The following HDAC9 variants were observed in gnomAD, a reference collection of about 807,000 sequenced individuals.
HDAC9 encodes histone deacetylase 9.
In HDAC9, 41 loss-of-function variants were observed where a neutral mutation model predicts 139.4. That is an observed-to-expected ratio of 0.29 (90% CI 0.23 to 0.38). HDAC9 has a LOEUF of 0.38. Among genes scored for constraint, HDAC9 ranks in the 10% least tolerant of loss-of-function variants. The pLI is 1.00. For synonymous variants in HDAC9, 517 were observed against 476.2 expected, an observed-to-expected ratio of 1.09 and a Z score of -1.12; for missense variants, 1,147 against 1,297.0, an observed-to-expected ratio of 0.88 and a Z score of 1.78.
intron 13 of HDAC9, among the ~76,000 whole-genome samples, chr7:18,746,432 A>G (rs1787982572): frequency 6.6e-6 from 1 of 152,198 alleles, no homozygotes. Context: ...TTTATTTAAA[A>G]ATATTTATCC....
At chr7:18,518,307 G>A (rs1803887301) in intron 2 of HDAC9, among the ~76,000 whole-genome samples, 1 of 152,098 alleles carries the variant, frequency 6.6e-6, no homozygotes, top group South Asian at 2.1e-4. Context: ...AGAGCCCAAG[G>A]GATCTGTGAA....
chr7:18,887,228 T>C (rs1420882439), intron 22 of HDAC9, among the ~76,000 whole-genome samples: 1 of 152,212 alleles, frequency 6.6e-6, no homozygotes, highest in Non-Finnish European at 1.5e-5. Flanking sequence ...GGAGGCCCTG[T>C]TAGGCATGCT....
At chr7:18,864,851 A>C (rs1798374462) in intron 21 of HDAC9, among the ~76,000 whole-genome samples, 1 of 152,194 alleles carries the variant, frequency 6.6e-6, no homozygotes, top group African/African-American at 2.4e-5. Context: ...CACAACAGTG[A>C]GAATATATTT....
chr7:18,654,974 G>T (rs1019463655), intron 11 of HDAC9, among the ~76,000 whole-genome samples: 6 of 152,198 alleles, frequency 3.9e-5, no homozygotes, highest in African/African-American at 9.6e-5. Context: ...TTCCTTTCTC[G>T]CATGTTGTCA....
chr7:18,276,961 G>A (rs924109081), intron 2 of HDAC9, among the ~76,000 whole-genome samples: 2 of 151,164 alleles, frequency 1.3e-5, no homozygotes, highest in East Asian at 3.9e-4. Flanking sequence ...AATTTTTCTT[G>A]CATCCTTTTA....
At chr7:18,227,142 T>C (rs551445100) in intron 2 of HDAC9, among the ~76,000 whole-genome samples, 89 of 152,314 alleles carry the variant, frequency 5.8e-4, no homozygotes, top group African/African-American at 2.1e-3. Context: ...GAATGCCTTT[T>C]ATTTGAAATA....
chr7:18,456,676 A>G (rs1313905215), intron 1 of HDAC9, among the ~76,000 whole-genome samples: 5 of 152,186 alleles, frequency 3.3e-5, no homozygotes, highest in South Asian at 2.1e-4. Flanking sequence ...TCTCTATTTC[A>G]GTTATGATTT....
chr7:18,671,951 A>G (rs1348154254), intron 12 of HDAC9, among the ~76,000 whole-genome samples: 1 of 152,036 alleles, frequency 6.6e-6, no homozygotes, highest in Non-Finnish European at 1.5e-5. Context: ...CATTTTGCTT[A>G]TTCATTCATC....
chr7:18,133,266 T>C (rs1367381810), intron 1 of HDAC9, among the ~76,000 whole-genome samples: 1 of 152,114 alleles, frequency 6.6e-6, no homozygotes, highest in East Asian at 1.9e-4. Flanking sequence ...TCACAAAAAA[T>C]AATTATAGTC....
chr7:18,224,689 A>G (rs991157630), intron 2 of HDAC9, among the ~76,000 whole-genome samples: 1 of 152,164 alleles, frequency 6.6e-6, no homozygotes, highest in African/African-American at 2.4e-5. Flanking sequence ...ACCAAGAGAA[A>G]GGAGGCCTTT....
chr7:18,762,080 T>C, intron 14 of HDAC9, 77 bp from the exon 15 acceptor site: 1 of 1,491,782 alleles, frequency 6.7e-7, no homozygotes, highest in South Asian at 1.2e-5. Flanking sequence ...ATTAATCATC[T>C]TAAATGTGAC....
intron 2 of HDAC9, among the ~76,000 whole-genome samples, chr7:18,576,495 C>G (rs112752648): frequency 0.023 from 3,484 of 151,990 alleles, 61 homozygotes; most frequent in Middle Eastern, 0.068. Context: ...AACCCCATCT[C>G]CACTAAAAAT....
At chr7:18,710,013 G>C (rs1201894858) in intron 12 of HDAC9, among the ~76,000 whole-genome samples, 2 of 152,170 alleles carry the variant, frequency 1.3e-5, no homozygotes, top group Admixed American at 1.3e-4. Flanking sequence ...AGGTTTAATG[G>C]ACTTAAAGTT....
At chr7:18,943,657 G>T (rs912208784) in intron 23 of HDAC9, among the ~76,000 whole-genome samples, 8 of 151,978 alleles carry the variant, frequency 5.3e-5, no homozygotes, top group Non-Finnish European at 1.0e-4. Flanking sequence ...TCAGTTAATA[G>T]AACAATAACT....
upstream of HDAC9, among the ~76,000 whole-genome samples, chr7:18,287,171 C>A (rs1797504805): frequency 6.6e-6 from 1 of 151,758 alleles, no homozygotes. Flanking sequence ...TACCATCTTC[C>A]AATTTTTAAA....
chr7:18,926,641 A>T (rs1404208369), intron 22 of HDAC9, among the ~76,000 whole-genome samples: 1 of 152,050 alleles, frequency 6.6e-6, no homozygotes, highest in Admixed American at 6.6e-5. Flanking sequence ...GGGATGGGTG[A>T]ATGGATGGAT....
intron 12 of HDAC9, among the ~76,000 whole-genome samples, chr7:18,711,932 C>CTT (rs10713737): frequency 2.8e-5 from 4 of 142,972 alleles, no homozygotes; most frequent in Admixed American, 6.9e-5. Context: ...CACCATACTT[C>CTT]TTTTTTTTTT....
intron 12 of HDAC9, among the ~76,000 whole-genome samples, chr7:18,695,848 G>T (rs1037329555): frequency 1.3e-4 from 19 of 151,724 alleles, no homozygotes; most frequent in Non-Finnish European, 5.9e-5. Context: ...TTATTTTCTG[G>T]CTAGTATTTT....
chr7:18,731,885 C>A (rs1377123500), intron 13 of HDAC9, among the ~76,000 whole-genome samples: 3 of 152,122 alleles, frequency 2.0e-5, no homozygotes, highest in Non-Finnish European at 2.9e-5. Flanking sequence ...TTCGGCCTCC[C>A]AAAGTGCTGG....
Sources: gnomAD v4.1 joint callset for allele counts (sites outside exome capture counted in the v4.1 genomes callset) on GRCh38, gnomAD v4.1.1 for gene constraint, MANE v1.5 for transcripts, NCBI Gene and HGNC (gene_info 2026-07-23, HGNC 2026-07-21) for gene names.